Variants in CTNND2 observed in about 807,000 individuals in gnomAD.
CTNND2 encodes the protein catenin delta 2, also known as catenin delta-2.
In CTNND2, 22 loss-of-function variants were observed where a neutral mutation model predicts 144.4. That is an observed-to-expected ratio of 0.15 (90% CI 0.11 to 0.22). CTNND2 has a LOEUF of 0.22. Among genes scored for constraint, CTNND2 ranks in the 10% least tolerant of loss-of-function variants. The pLI is 1.00. For synonymous variants in CTNND2, 751 were observed against 695.6 expected, an observed-to-expected ratio of 1.08 and a Z score of -1.25; for missense variants, 1,353 against 1,618.8, an observed-to-expected ratio of 0.84 and a Z score of 2.82.
chr5:11,581,521 T>A (rs937916978), intron 2 of CTNND2, among the ~76,000 whole-genome samples: 8 of 152,216 alleles, frequency 5.3e-5, no homozygotes, highest in African/African-American at 1.9e-4. Context: ...GTCATCAACA[T>A]ACACAGATCA....
At chr5:11,891,741 G>A (rs1331733335) in intron 1 of CTNND2, among the ~76,000 whole-genome samples, 1 of 152,192 alleles carries the variant, frequency 6.6e-6, no homozygotes, top group Non-Finnish European at 1.5e-5. Context: ...CTAAAACTGT[G>A]AGAAATAAAC....
intron 16 of CTNND2, among the ~76,000 whole-genome samples, chr5:11,071,879 A>T (rs925786403): frequency 1.3e-5 from 2 of 152,242 alleles, no homozygotes; most frequent in African/African-American, 2.4e-5. Context: ...TGGGATAAAG[A>T]AAAGGAAGAA....
chr5:11,903,983 G>C lies in CTNND2; in HGVS notation c.-130C>G. On this transcript the variant is annotated 5_prime_UTR_variant, in exon 1 of 22. Coordinates refer to ENST00000304623, the MANE Select transcript of CTNND2 (RefSeq NM_001332.4). The surrounding 1 kb of genome is among the most constrained non-coding windows in gnomAD (Gnocchi z 5.4). ...TTTTGTTGTCTGAGCGCGGCCGCGG[G>C]ACAAGGGATGCTGGCGGGCGGCAGG... is the stretch of plus-strand genomic sequence containing the variant. 9.1e-7 allele frequency: 1 copy of C among 1,104,384 alleles called. No individual in the cohort carries two copies. The highest frequency in any genetic ancestry group is 1.2e-6 in the Non-Finnish European group (1 of 865,624). The allele number at this position is 1,104,384 out of a possible 1,614,324, so 68.4% of individuals were successfully genotyped here.
chr5:11,880,616 T>TA (rs1380666422), intron 1 of CTNND2, among the ~76,000 whole-genome samples: 8 of 143,618 alleles, frequency 5.6e-5, no homozygotes, highest in Middle Eastern at 3.7e-3. Context: ...CTACTACCAC[T>TA]ACTACTGCTA....
At position 11,397,768 on chromosome 5, in the gene CTNND2, T is replaced by C. The variant is rs542423683; in HGVS notation, c.440-565A>G. On this transcript the variant is annotated intron_variant, in intron 5 of 21. Coordinates refer to ENST00000304623, the MANE Select transcript of CTNND2 (RefSeq NM_001332.4). ...GTCGCCTCACATAATCCCTGATGAC[T>C]GGTTACCTTTACCATCCCAGCAGTG... is the stretch of plus-strand genomic sequence containing the variant. Among the ~76,000 whole-genome samples, 3 of 152,340 alleles carry C rather than the reference T, an allele frequency of 2.0e-5. No individual in the cohort carries two copies. In the East Asian group the frequency reaches 5.8e-4, roughly 29 times the overall value.
At chr5:11,892,944 AAATTCTACGG>A (rs1737096914) in intron 1 of CTNND2, among the ~76,000 whole-genome samples, 1 of 152,200 alleles carries the variant, frequency 6.6e-6, no homozygotes. Context: ...ACATGCTATA[AAATTCTACGG>A]AATAACTTTG....
intron 2 of CTNND2, among the ~76,000 whole-genome samples, chr5:11,710,044 C>A (rs1333185190): frequency 6.6e-6 from 1 of 151,922 alleles, no homozygotes; most frequent in Non-Finnish European, 1.5e-5. Flanking sequence ...AACTTAAACC[C>A]ACAGAGACAT....
chr5:11,495,607 G>A (rs1267616022), intron 3 of CTNND2, among the ~76,000 whole-genome samples: 1 of 152,110 alleles, frequency 6.6e-6, no homozygotes, highest in East Asian at 1.9e-4. Context: ...CTGCATATGG[G>A]GACTTTGGAC....
intron 3 of CTNND2, among the ~76,000 whole-genome samples, chr5:11,500,708 A>G (rs1350276262): frequency 6.6e-6 from 1 of 152,220 alleles, no homozygotes; most frequent in African/African-American, 2.4e-5. Flanking sequence ...TGACCAGTTT[A>G]TTACTCCAAT....
chr5:11,600,189 C>T (rs537510668), intron 2 of CTNND2, among the ~76,000 whole-genome samples: 1 of 152,140 alleles, frequency 6.6e-6, no homozygotes, highest in Non-Finnish European at 1.5e-5. Context: ...GAATTACATA[C>T]CTATGCTAAT....
intron 3 of CTNND2, among the ~76,000 whole-genome samples, chr5:11,501,147 G>A (rs1770487860): frequency 1.3e-5 from 2 of 152,166 alleles, no homozygotes; most frequent in Non-Finnish European, 1.5e-5. Flanking sequence ...TAGATAGCCT[G>A]TAAAAACAAT....
intron 3 of CTNND2, among the ~76,000 whole-genome samples, chr5:11,429,588 C>T (rs1031574389): frequency 1.3e-5 from 2 of 152,198 alleles, no homozygotes; most frequent in Non-Finnish European, 2.9e-5. Context: ...ACCTAATGTG[C>T]TTAATGGTCT....
At chr5:11,110,795 G>A in intron 14 of CTNND2, 63 bp downstream of exon 14, 1 of 1,440,892 alleles carries the variant, frequency 6.9e-7, no homozygotes, top group Non-Finnish European at 9.5e-7. Flanking sequence ...ATATATTGAG[G>A]ATATATTACA....
At chr5:11,393,115 A>G (rs1345824258) in intron 6 of CTNND2, among the ~76,000 whole-genome samples, 1 of 152,248 alleles carries the variant, frequency 6.6e-6, no homozygotes, top group Non-Finnish European at 1.5e-5. Flanking sequence ...ATGATATAGC[A>G]TTAATGAGGA....
At position 11,659,969 on chromosome 5, in the gene CTNND2, A is replaced by C. The variant is rs116667435; in HGVS notation, c.174+72167T>G. On this transcript the variant is annotated intron_variant, in intron 2 of 21. Coordinates refer to ENST00000304623, the MANE Select transcript of CTNND2 (RefSeq NM_001332.4). ...GAATTGTAAACACTTAACGGGCTAG[A>C]ATATTGGATACTTATCCTGAAGTAG... is the stretch of plus-strand genomic sequence containing the variant. Among the ~76,000 whole-genome samples the C allele has an allele frequency of 5.2e-3, 791 of 152,246 alleles. 13 individuals are homozygous for C. Among genetic ancestry groups the C allele is most frequent in the African/African-American group, 0.017 (699 of 41,532 alleles).
intron 2 of CTNND2, among the ~76,000 whole-genome samples, chr5:11,616,861 C>T (rs1410363128): frequency 6.6e-6 from 1 of 152,202 alleles, no homozygotes; most frequent in Non-Finnish European, 1.5e-5. Flanking sequence ...CATATCTCTG[C>T]CTCCCAAAGT....
At chr5:11,213,818 CATAT>C (rs60072994) in intron 10 of CTNND2, among the ~76,000 whole-genome samples, 2 of 150,342 alleles carry the variant, frequency 1.3e-5, no homozygotes, top group Admixed American at 1.3e-4. Flanking sequence ...TTTATATGCA[CATAT>C]ATATATATAT....
chr5:11,141,935 G>A lies in CTNND2; in HGVS notation c.2159+17641C>T, dbSNP rs143209409. Among the ~76,000 whole-genome samples the A allele has an allele frequency of 2.5e-3, 373 of 152,226 alleles. 1 individual carries two copies. Among genetic ancestry groups the A allele is most frequent in the African/African-American group, 8.1e-3 (336 of 41,504 alleles). On this transcript the variant is annotated intron_variant, in intron 12 of 21. Coordinates refer to ENST00000304623, the MANE Select transcript of CTNND2 (RefSeq NM_001332.4). The stretch of plus-strand genomic sequence containing the variant: ...CTCTCAATGGATTAACATTTTTATG[G>A]GAGTGGGTTCCTTATTGCAAGAGTG...
chr5:11,462,251 G>A (rs1237326258), intron 3 of CTNND2, among the ~76,000 whole-genome samples: 1 of 152,120 alleles, frequency 6.6e-6, no homozygotes, highest in Non-Finnish European at 1.5e-5. Flanking sequence ...CCAATTTTAT[G>A]GTCTAGGTTC....
Sources: allele counts gnomAD v4.1 joint callset (sites outside exome capture counted in the v4.1 genomes callset), GRCh38; gene constraint gnomAD v4.1.1; non-coding constraint Gnocchi (gnomAD v3.1); transcripts MANE v1.5; gene names NCBI Gene and HGNC (gene_info 2026-07-23, HGNC 2026-07-21).